The following TFCP2 variants were observed in gnomAD, a reference collection of about 807,000 sequenced individuals.
TFCP2 encodes alpha-globin transcription factor CP2.
TFCP2 carries 33 observed loss-of-function variants against 73.4 expected under a neutral mutation model. That is an observed-to-expected ratio of 0.45 (90% CI 0.34 to 0.60). The LOEUF (loss-of-function observed/expected upper bound fraction) is 0.60. TFCP2 is among the 20% of genes least tolerant of loss of function. TFCP2 has a pLI of 0.01. For missense variants in TFCP2, 352 were observed against 604.0 expected, an observed-to-expected ratio of 0.58 and a Z score of 4.37; for synonymous variants, 193 against 211.6, an observed-to-expected ratio of 0.91 and a Z score of 0.76.
chr12:51,159,708 A>C (rs1941610577), intron 1 of TFCP2, among the ~76,000 whole-genome samples: 1 of 151,710 alleles, frequency 6.6e-6, no homozygotes, highest in Admixed American at 6.6e-5. Context: ...GGCTGGCCTC[A>C]AACTCCCAGG....
chr12:51,148,928 G>A (rs1941358272), intron 1 of TFCP2, among the ~76,000 whole-genome samples: 1 of 145,934 alleles, frequency 6.9e-6, no homozygotes, highest in African/African-American at 2.5e-5. Context: ...AGGAGGCTGA[G>A]GCAGGAGAAT....
chr12:51,099,055 TG>T (rs201586801), intron 12 of TFCP2, 137 bp from the exon 13 acceptor site: 1 of 930,998 alleles, frequency 1.1e-6, no homozygotes. Context: ...CTCAACCACT[TG>T]CAGCTGTGTG....
chr12:51,168,093 TTA>T (rs1491103442), intron 1 of TFCP2, among the ~76,000 whole-genome samples: 2 of 42,944 alleles, frequency 4.7e-5, no homozygotes, highest in Non-Finnish European at 1.4e-4. Flanking sequence ...AAAATTAAAA[TTA>T]AAAAAAAATA....
intron 13 of TFCP2, 70 bp downstream of exon 13, chr12:51,098,706 G>A (rs1416347202): frequency 6.5e-7 from 1 of 1,545,014 alleles, no homozygotes; most frequent in Admixed American, 1.7e-5. Context: ...TGCCCCAGGA[G>A]AACTGCTCTT....
chr12:51,116,907 G>A (rs147761285), intron 3 of TFCP2, among the ~76,000 whole-genome samples: 6 of 152,268 alleles, frequency 3.9e-5, no homozygotes, highest in African/African-American at 1.2e-4. Context: ...GTGAGCCACC[G>A]GGTCCAGCCA....
At chr12:51,109,321 C>T in intron 5 of TFCP2, 48 bp from the exon 6 acceptor site, 2 of 1,592,534 alleles carry the variant, frequency 1.3e-6, no homozygotes, top group Non-Finnish European at 1.7e-6. Context: ...GCTAGCCAAA[C>T]CAGTTGGCAG....
Position 51,102,000 on chromosome 12 carries a change from T to C in TFCP2, c.1086A>G (p.Arg362=). 1 of 1,612,722 alleles carries C rather than the reference T, an allele frequency of 6.2e-7. No homozygotes were observed. The highest frequency in any genetic ancestry group is 8.5e-7 in the Non-Finnish European group (1 of 1,178,980). ...FSGADLLKLT[R]DDVIQICGPA... Reference sequence around the variant, plus strand: ...GGCCACAGATTTGGATCACATCATCTCTAGTTAATTTCAATAAATCTGCCC... The same window carrying C: ...GGCCACAGATTTGGATCACATCATCCCTAGTTAATTTCAATAAATCTGCCC... The change falls in exon 11 of 15, where the codon AGA becomes AGG. Residue 362 remains arginine, a synonymous_variant. Transcript: ENST00000257915.
At position 51,117,721 on chromosome 12, in the gene TFCP2, C is replaced by T. The variant is rs1186797784; in HGVS notation, c.301G>A (p.Asp101Asn). The T allele has an allele frequency of 6.2e-7, 1 of 1,612,958 alleles. No individual in the cohort carries two copies. ...GGAAGTTCTCCAAGTTTCCTATTGT[C>T]TAGCATTCGAATTTCATAAGACTGT... ...QGQSYEIRML[D>N]NRKLGELPEI... The change falls in exon 3 of 15, where the codon GAC becomes AAC. Residue 101 changes from aspartate to asparagine, a missense_variant. By Grantham distance (23) the Asp-to-Asn change is conservative (BLOSUM62 1). This residue lies in a region of TFCP2 where 76 missense variants were observed against 163.2 expected (regional missense o/e 0.47). Coordinates refer to ENST00000257915, the MANE Select transcript of TFCP2 (RefSeq NM_005653.5).
chr12:51,125,433 A>G, intron 1 of TFCP2: 1 of 404,298 alleles, frequency 2.5e-6, no homozygotes, highest in Non-Finnish European at 4.8e-6. Flanking sequence ...ACCCTCTCAC[A>G]CCTGCTTCCA....
chr12:51,118,570 C>A lies in TFCP2; in HGVS notation c.274+51G>T, dbSNP rs375395520. On this transcript the variant is annotated intron_variant, in intron 2 of 14. Transcript: ENST00000257915. ...AAAACAAACAAACAAACAAAAAAAT[C>A]ATAAATACAGTAGGTCTGCAATAGT... 12 of 1,580,754 alleles carry A rather than the reference C, an allele frequency of 7.6e-6. No individual in the cohort carries two copies. In the African/African-American group the frequency reaches 1.4e-4, roughly 18 times the overall value.
intron 1 of TFCP2, among the ~76,000 whole-genome samples, chr12:51,148,330 C>T (rs1464378013): frequency 6.6e-6 from 1 of 152,170 alleles, no homozygotes; most frequent in East Asian, 1.9e-4. Context: ...AAGATACTTG[C>T]ACACGCATGT....
intron 11 of TFCP2, among the ~76,000 whole-genome samples, chr12:51,100,222 T>A (rs1404271341): frequency 6.6e-6 from 1 of 152,190 alleles, no homozygotes; most frequent in East Asian, 1.9e-4. Context: ...AAAGCCACCG[T>A]CTAATGGGTC....
At chr12:51,126,105 C>A (rs995459892) in intron 1 of TFCP2, among the ~76,000 whole-genome samples, 1 of 151,712 alleles carries the variant, frequency 6.6e-6, no homozygotes, top group African/African-American at 2.4e-5. Context: ...TGGTGTTGGG[C>A]GCCTGTAGTC....
At chr12:51,101,523 CTTGTTTTTTGCTTAT>C (rs1481699226) in intron 11 of TFCP2, among the ~76,000 whole-genome samples, 1 of 152,066 alleles carries the variant, frequency 6.6e-6, no homozygotes, top group Non-Finnish European at 1.5e-5. Context: ...AGCCCACAAC[CTTGTTTTTTGCTTAT>C]TTGTTTTGTT....
chr12:51,125,016 C>T (rs140675553), intron 1 of TFCP2: 51 of 735,408 alleles, frequency 6.9e-5, no homozygotes, highest in Middle Eastern at 2.3e-4. Context: ...AGCATCAAAG[C>T]GAGCCACCAC....
intron 1 of TFCP2, among the ~76,000 whole-genome samples, chr12:51,147,771 A>C (rs949266772): frequency 6.6e-6 from 1 of 152,252 alleles, no homozygotes; most frequent in Admixed American, 6.5e-5. Flanking sequence ...AAGTAAATGC[A>C]ACAAAAACAA....
chr12:51,171,266 AC>A (rs1485731787), intron 1 of TFCP2, among the ~76,000 whole-genome samples: 3 of 152,240 alleles, frequency 2.0e-5, no homozygotes, highest in African/African-American at 7.2e-5. Flanking sequence ...ACATTTCCAT[AC>A]AGGATTCTTA....
At chr12:51,165,139 G>C (rs534291372) in intron 1 of TFCP2, among the ~76,000 whole-genome samples, 1 of 152,152 alleles carries the variant, frequency 6.6e-6, no homozygotes, top group Admixed American at 6.5e-5. Flanking sequence ...AAGATCCCTT[G>C]AGTCCAGGAG....
At chr12:51,113,038 A>T (rs1303633655) in intron 4 of TFCP2, among the ~76,000 whole-genome samples, 2 of 152,142 alleles carry the variant, frequency 1.3e-5, no homozygotes, top group African/African-American at 4.8e-5. Context: ...GATTTCTCCT[A>T]TTAATGATCA....
Sources: gnomAD v4.1 joint callset for allele counts (sites outside exome capture counted in the v4.1 genomes callset) on GRCh38, gnomAD v4.1.1 for gene constraint, gnomAD v4.1.1 regional missense constraint, MANE v1.5 for transcripts, NCBI Gene and HGNC (gene_info 2026-07-23, HGNC 2026-07-21) for gene names.